HMCN1: variants seen among roughly 807,000 people sequenced by gnomAD.
HMCN1 encodes the protein hemicentin-1.
Under a neutral mutation model 625.9 loss-of-function variants are expected in HMCN1, and 321 were observed. The ratio of observed to expected loss-of-function variants is 0.51; its 90% CI spans 0.47 to 0.56. The LOEUF (loss-of-function observed/expected upper bound fraction) is 0.56. Ranked by LOEUF, HMCN1 falls within the 20% of genes least tolerant of loss-of-function variation. HMCN1 has a pLI of 0.00. For missense variants in HMCN1, 6,588 were observed against 6,887.3 expected, an observed-to-expected ratio of 0.96 and a Z score of 1.54; for synonymous variants, 2,425 against 2,417.6, an observed-to-expected ratio of 1.00 and a Z score of -0.09.
intron 52 of HMCN1, among the ~76,000 whole-genome samples, chr1:186,073,444 TAGAGGTGGGCTGCAGCAAG>T (rs1658597112): frequency 6.6e-6 from 1 of 152,062 alleles, no homozygotes; most frequent in Non-Finnish European, 1.5e-5. Flanking sequence ...TGTAGAAATG[TAGAGGTGGGCTGCAGCAAG>T]AGAGGTTTTT....
intron 89 of HMCN1, among the ~76,000 whole-genome samples, chr1:186,138,696 A>G (rs1196448075): frequency 6.6e-6 from 1 of 152,140 alleles, no homozygotes; most frequent in Non-Finnish European, 1.5e-5. Flanking sequence ...CTCAGAGAAA[A>G]AGAGTTCCCT....
chr1:186,147,222 C>A (rs1431974374), intron 93 of HMCN1, among the ~76,000 whole-genome samples: 1 of 152,206 alleles, frequency 6.6e-6, no homozygotes, highest in Non-Finnish European at 1.5e-5. Flanking sequence ...TCTGCCCTCC[C>A]TGGCTTAGTT....
chr1:186,133,043 G>C (rs1174615460), intron 86 of HMCN1, among the ~76,000 whole-genome samples: 2 of 152,124 alleles, frequency 1.3e-5, no homozygotes, highest in African/African-American at 4.8e-5. Context: ...GTCTATCATT[G>C]TTGGACATTT....
intron 1 of HMCN1, among the ~76,000 whole-genome samples, chr1:185,840,610 T>C (rs565795976): frequency 6.6e-6 from 1 of 152,198 alleles, no homozygotes; most frequent in Non-Finnish European, 1.5e-5. Context: ...GAAAATTTAC[T>C]GTCTTCATGT....
At chr1:185,984,618 A>G (rs1413840257) in intron 19 of HMCN1, among the ~76,000 whole-genome samples, 1 of 152,210 alleles carries the variant, frequency 6.6e-6, no homozygotes, top group African/African-American at 2.4e-5. Context: ...TTTTAATTTC[A>G]GACAAGCTGA....
At chr1:185,899,024 T>C (rs1391454420) in intron 4 of HMCN1, among the ~76,000 whole-genome samples, 2 of 152,042 alleles carry the variant, frequency 1.3e-5, no homozygotes, top group East Asian at 3.9e-4. Flanking sequence ...GGGCCCTTCT[T>C]TTGTGTGGAC....
chr1:185,741,026 G>A (rs527364702), intron 1 of HMCN1, among the ~76,000 whole-genome samples: 31 of 152,060 alleles, frequency 2.0e-4, no homozygotes, highest in African/African-American at 6.7e-4. Context: ...ACAAAAACAA[G>A]TTGTTAAAAA....
chr1:186,169,381 C>G (rs1432098812), intron 100 of HMCN1, among the ~76,000 whole-genome samples: 1 of 152,122 alleles, frequency 6.6e-6, no homozygotes, highest in Non-Finnish European at 1.5e-5. Context: ...CCCGTATAGC[C>G]AAGACAATCC....
At chr1:185,916,473 G>A (rs1666710153) in intron 6 of HMCN1, among the ~76,000 whole-genome samples, 1 of 152,140 alleles carries the variant, frequency 6.6e-6, no homozygotes, top group Non-Finnish European at 1.5e-5. Flanking sequence ...TCTGACACAT[G>A]AATTAGTTGT....
intron 11 of HMCN1, among the ~76,000 whole-genome samples, chr1:185,940,322 G>A (rs1428678130): frequency 1.3e-5 from 2 of 151,992 alleles, no homozygotes; most frequent in African/African-American, 2.4e-5. Context: ...TAGCTTTCAT[G>A]TATTAGTACT....
Position 185,846,062 on chromosome 1 carries a change from A to T in HMCN1, c.305A>T (p.Lys102Ile). 1 of 1,612,734 alleles carries T rather than the reference A, an allele frequency of 6.2e-7. No homozygotes were observed. The highest frequency in any genetic ancestry group is 8.5e-7 in the Non-Finnish European group (1 of 1,178,878). ...GTGACAATTACCACAGATCCCAAGAAATTTCAATATGAACTCAGAGAACTG... is the reference window on the plus strand; with the variant it reads ...GTGACAATTACCACAGATCCCAAGATATTTCAATATGAACTCAGAGAACTG... ...GPVTITTDPK[K>I]FQYELRELYV... The change falls in exon 2 of 107, where the codon AAA becomes ATA. Residue 102 changes from lysine to isoleucine, a missense_variant. Lys to Ile is a moderately radical substitution (Grantham distance 102). Coordinates refer to ENST00000271588, the MANE Select transcript of HMCN1 (RefSeq NM_031935.3).
chr1:185,762,786 G>A (rs993272082), intron 1 of HMCN1, among the ~76,000 whole-genome samples: 2 of 152,138 alleles, frequency 1.3e-5, no homozygotes, highest in African/African-American at 4.8e-5. Flanking sequence ...TTTTAGTGTG[G>A]AAGAGATTTA....
intron 11 of HMCN1, among the ~76,000 whole-genome samples, 160 bp from the exon 12 acceptor site, chr1:185,962,358 T>G (rs1650083840): frequency 6.6e-6 from 1 of 152,214 alleles, no homozygotes; most frequent in Admixed American, 6.5e-5. Context: ...TTGTTTTCAT[T>G]ACCATTGGTT....
At chr1:185,741,542 T>G (rs775641802) in intron 1 of HMCN1, among the ~76,000 whole-genome samples, 1 of 152,148 alleles carries the variant, frequency 6.6e-6, no homozygotes, top group Non-Finnish European at 1.5e-5. Context: ...TGACTATAAA[T>G]GGAGAAGAGA....
At chr1:185,789,964 A>G (rs928575469) in intron 1 of HMCN1, among the ~76,000 whole-genome samples, 1 of 152,226 alleles carries the variant, frequency 6.6e-6, no homozygotes, top group Non-Finnish European at 1.5e-5. Context: ...AGTGTTTGTC[A>G]GAGCCTACCT....
At chr1:186,049,969 G>T (rs1368712847) in intron 42 of HMCN1, among the ~76,000 whole-genome samples, 1 of 151,622 alleles carries the variant, frequency 6.6e-6, no homozygotes, top group Non-Finnish European at 1.5e-5. Flanking sequence ...CTACTTATAT[G>T]TAATTAACTT....
chr1:186,098,579 A>C (rs1021427736), intron 68 of HMCN1, among the ~76,000 whole-genome samples: 2 of 152,102 alleles, frequency 1.3e-5, no homozygotes, highest in African/African-American at 4.8e-5. Context: ...GGACACTTGC[A>C]CACTGTTGGT....
chr1:185,964,234 T>C (rs1270588917), intron 13 of HMCN1, among the ~76,000 whole-genome samples: 4 of 152,158 alleles, frequency 2.6e-5, no homozygotes, highest in African/African-American at 9.7e-5. Flanking sequence ...TAACTTCCAT[T>C]TTATAATTTC....
chr1:186,172,065 G>A lies in HMCN1; in HGVS notation c.15748G>A (p.Gly5250Ser). The change falls in exon 102 of 107, where the codon GGT (glycine) becomes AGT (serine). Residue 5250 changes from glycine to serine, a missense_variant. Gly to Ser is a moderately conservative substitution (Grantham distance 56, BLOSUM62 0). Around this residue, in one of 3 missense-constraint regions of HMCN1, gnomAD observed 1,954 missense variants for 2,013.1 expected, o/e 0.97. Transcript: ENST00000271588. ...RPDQHCKNTR[G>S]GYKCIDLCPN... ...AGATCAGCACTGTAAGAACACCCGT[G>A]GTGGCTATAAGTGCATTGATCTTTG... 6.2e-7 allele frequency: 1 copy of A among 1,613,800 alleles called. No homozygotes were observed. Among genetic ancestry groups the A allele is most frequent in the Non-Finnish European group, 8.5e-7 (1 of 1,179,760 alleles).
Sources: allele counts gnomAD v4.1 joint callset (sites outside exome capture counted in the v4.1 genomes callset), GRCh38; gene constraint gnomAD v4.1.1; regional missense constraint gnomAD v4.1.1; transcripts MANE v1.5; gene names NCBI Gene and HGNC (gene_info 2026-07-23, HGNC 2026-07-21).